Variants in OLA1 observed in about 807,000 individuals in gnomAD.
OLA1 encodes obg-like ATPase 1.
Under a neutral mutation model 48.4 loss-of-function variants are expected in OLA1, and 14 were observed. The observed-to-expected ratio is 0.29, with a 90% confidence interval of 0.19 to 0.45. The LOEUF is 0.45. OLA1 is among the 20% of genes least tolerant of loss of function. The pLI is 1.00. For synonymous variants in OLA1, 127 were observed against 150.4 expected, an observed-to-expected ratio of 0.84 and a Z score of 1.14; for missense variants, 325 against 467.1, an observed-to-expected ratio of 0.70 and a Z score of 2.80.
At chr2:174,185,226 G>C (rs1687629310) in intron 4 of OLA1, among the ~76,000 whole-genome samples, 1 of 152,136 alleles carries the variant, frequency 6.6e-6, no homozygotes. Context: ...ACAATGTCTT[G>C]AGATCCAGTC....
At chr2:174,202,327 A>G (rs1179304838) in intron 4 of OLA1, among the ~76,000 whole-genome samples, 2 of 152,218 alleles carry the variant, frequency 1.3e-5, no homozygotes, top group Non-Finnish European at 2.9e-5. Flanking sequence ...TACTACCATA[A>G]TAATTTCACC....
intron 9 of OLA1, 45 bp from the exon 10 acceptor site, chr2:174,079,135 CTGAT>C (rs1240153215): frequency 1.3e-6 from 2 of 1,541,950 alleles, no homozygotes; most frequent in Non-Finnish European, 1.7e-6. Context: ...TTTAAGATGA[CTGAT>C]TGTAAGCACA....
intron 7 of OLA1, among the ~76,000 whole-genome samples, chr2:174,099,148 G>A (rs919577091): frequency 6.6e-6 from 1 of 151,398 alleles, no homozygotes. Context: ...GTTTGACTTT[G>A]TTATTTTATT....
rs1684634384 is a variant in OLA1 at position 174,072,874 on chromosome 2, G to A, written c.*2552C>T. On this transcript the variant is annotated 3_prime_UTR_variant, in exon 11 of 11. Coordinates refer to ENST00000284719, the MANE Select transcript of OLA1 (RefSeq NM_013341.5). ...CTATTTGTGCTTCCTTGGGAGATCC[G>A]GCTCTGCTCTGAGCCATATGCAAAA... 1 of 152,172 alleles carries A rather than the reference G, an allele frequency of 6.6e-6. No individual in the cohort carries two copies. Among genetic ancestry groups the A allele is most frequent in the African/African-American group, 2.4e-5 (1 of 41,418 alleles). The allele number at this position is 152,172 out of a possible 1,614,324, so 9.4% of individuals were successfully genotyped here.
chr2:174,181,137 A>C (rs1687524294), intron 4 of OLA1, among the ~76,000 whole-genome samples: 1 of 152,156 alleles, frequency 6.6e-6, no homozygotes, highest in Admixed American at 6.5e-5. Context: ...ATAAAAAAAA[A>C]CATGATTTGC....
Position 174,166,902 on chromosome 2 carries a change from A to G in OLA1, c.374-24902T>C, listed in dbSNP as rs542193136. Among the ~76,000 whole-genome samples the G allele has an allele frequency of 4.6e-5, 7 of 152,268 alleles. No homozygotes were observed. The East Asian group carries it at 1.4e-3, about 29-fold the overall frequency. On this transcript the variant is annotated intron_variant, in intron 4 of 10. Transcript: ENST00000284719. ...ATAAGGGGCCTTCTTTATGGGAAAA[A>G]TATTTTTAAGTTCCCCTTCTTTCTC...
At chr2:174,202,591 T>C (rs776458878) in intron 4 of OLA1, among the ~76,000 whole-genome samples, 39 of 152,260 alleles carry the variant, frequency 2.6e-4, no homozygotes, top group Middle Eastern at 3.4e-3. Context: ...AGCAGAGAAA[T>C]GTCATGACTT....
chr2:174,213,069 T>C (rs1688279550), intron 4 of OLA1, among the ~76,000 whole-genome samples: 1 of 152,138 alleles, frequency 6.6e-6, no homozygotes, highest in Non-Finnish European at 1.5e-5. Flanking sequence ...AATAGGGCAA[T>C]ATATTCCCTA....
intron 4 of OLA1, among the ~76,000 whole-genome samples, chr2:174,211,096 T>C (rs1688229678): frequency 6.6e-6 from 1 of 151,950 alleles, no homozygotes; most frequent in Non-Finnish European, 1.5e-5. Context: ...AAAAGTCAGT[T>C]GCGTGCAAAG....
intron 4 of OLA1, among the ~76,000 whole-genome samples, chr2:174,205,016 G>A (rs1376945039): frequency 6.6e-6 from 1 of 152,098 alleles, no homozygotes; most frequent in Non-Finnish European, 1.5e-5. Flanking sequence ...AGCACCATAA[G>A]TATATAAACA....
At chr2:174,196,536 C>T (rs148783813) in intron 4 of OLA1, among the ~76,000 whole-genome samples, 1 of 152,188 alleles carries the variant, frequency 6.6e-6, no homozygotes, top group Non-Finnish European at 1.5e-5. Context: ...GGAAGAACTT[C>T]ATCACCATTT....
At chr2:174,101,552 G>T (rs1451147913) in intron 7 of OLA1, among the ~76,000 whole-genome samples, 2 of 152,086 alleles carry the variant, frequency 1.3e-5, no homozygotes, top group African/African-American at 4.8e-5. Flanking sequence ...TGCTTTTTGT[G>T]ACTTATCCAA....
chr2:174,230,558 G>A (rs915687027), intron 2 of OLA1, among the ~76,000 whole-genome samples: 2 of 152,158 alleles, frequency 1.3e-5, no homozygotes, highest in Admixed American at 6.6e-5. Flanking sequence ...AGTACCTCCT[G>A]AAAGAAGTAT....
chr2:174,142,928 T>C (rs1381278781), intron 4 of OLA1, among the ~76,000 whole-genome samples: 1 of 152,216 alleles, frequency 6.6e-6, no homozygotes, highest in Non-Finnish European at 1.5e-5. Flanking sequence ...AATTAGATTA[T>C]AGTCCCAAAA....
chr2:174,111,424 G>A (rs949485902), intron 7 of OLA1, among the ~76,000 whole-genome samples: 3 of 152,110 alleles, frequency 2.0e-5, no homozygotes, highest in Admixed American at 2.0e-4. Flanking sequence ...TCACTTCTCT[G>A]AGCCTTAGGT....
At chr2:174,243,471 C>A (rs1689054299) in intron 2 of OLA1, among the ~76,000 whole-genome samples, 1 of 152,152 alleles carries the variant, frequency 6.6e-6, no homozygotes, top group Non-Finnish European at 1.5e-5. Context: ...CTACATCCAG[C>A]CGTCAAAGGG....
At chr2:174,193,081 TTC>T (rs1266236877) in intron 4 of OLA1, among the ~76,000 whole-genome samples, 2 of 125,024 alleles carry the variant, frequency 1.6e-5, no homozygotes, top group African/African-American at 6.1e-5. Context: ...CTTAAAATAT[TTC>T]TTTCTTTCTT....
chr2:174,239,842 T>C (rs1688952814), intron 2 of OLA1, among the ~76,000 whole-genome samples: 1 of 151,562 alleles, frequency 6.6e-6, no homozygotes, highest in African/African-American at 2.4e-5. Flanking sequence ...TGCAGTGAGC[T>C]ATGATCAGGC....
intron 7 of OLA1, among the ~76,000 whole-genome samples, chr2:174,105,592 C>T (rs1685496364): frequency 6.6e-6 from 1 of 151,966 alleles, no homozygotes; most frequent in African/African-American, 2.4e-5. Flanking sequence ...TGAAAATCTT[C>T]ACTGACAGAA....
Sources: allele counts gnomAD v4.1 joint callset (sites outside exome capture counted in the v4.1 genomes callset), GRCh38; gene constraint gnomAD v4.1.1; transcripts MANE v1.5; gene names NCBI Gene and HGNC (gene_info 2026-07-23, HGNC 2026-07-21).